The following CCDC60 variants were observed in gnomAD, a reference collection of about 807,000 sequenced individuals.
The protein encoded by CCDC60 is coiled-coil domain containing 60, also known as coiled-coil domain-containing protein 60.
A neutral mutation model predicts 63.5 loss-of-function variants in CCDC60; 54 were observed. The ratio of observed to expected loss-of-function variants is 0.85; its 90% CI spans 0.68 to 1.07. The LOEUF (loss-of-function observed/expected upper bound fraction) is 1.07, where lower values mean the gene tolerates loss of function less well. Among genes scored for constraint, CCDC60 ranks in the 50% least tolerant of loss-of-function variants. The pLI, the probability that CCDC60 is intolerant of heterozygous loss-of-function variation, is 0.00. For missense variants in CCDC60, 651 were observed against 684.3 expected, an observed-to-expected ratio of 0.95 and a Z score of 0.54; for synonymous variants, 206 against 238.8, an observed-to-expected ratio of 0.86 and a Z score of 1.27.
At chr12:119,510,817 C>A (rs918521225) in intron 7 of CCDC60, among the ~76,000 whole-genome samples, 2 of 152,114 alleles carry the variant, frequency 1.3e-5, no homozygotes, top group Admixed American at 6.6e-5. Context: ...TACGAAAGTG[C>A]CCACTCCCAG....
At chr12:119,509,955 G>C (rs1952168000) in intron 7 of CCDC60, among the ~76,000 whole-genome samples, 2 of 152,244 alleles carry the variant, frequency 1.3e-5, no homozygotes, top group African/African-American at 4.8e-5. Context: ...GACCAAGAGA[G>C]CAAATTGATT....
At chr12:119,378,373 T>C (rs1453963289) in intron 1 of CCDC60, among the ~76,000 whole-genome samples, 1 of 152,184 alleles carries the variant, frequency 6.6e-6, no homozygotes, top group Non-Finnish European at 1.5e-5. Flanking sequence ...GGCTTCTCTT[T>C]GTTAGAAAGG....
chr12:119,447,002 GAGA>G (rs1950555566), intron 2 of CCDC60, among the ~76,000 whole-genome samples: 1 of 152,270 alleles, frequency 6.6e-6, no homozygotes, highest in Non-Finnish European at 1.5e-5. Flanking sequence ...TCTCAAATGT[GAGA>G]AGAAGACGAG....
chr12:119,481,158 C>T (rs1249117216), intron 4 of CCDC60, among the ~76,000 whole-genome samples: 2 of 152,146 alleles, frequency 1.3e-5, no homozygotes, highest in East Asian at 3.8e-4. Flanking sequence ...TGAGCCCTAT[C>T]CCACTCCATC....
intron 2 of CCDC60, among the ~76,000 whole-genome samples, chr12:119,430,620 T>A (rs941217534): frequency 4.9e-5 from 7 of 144,286 alleles, no homozygotes; most frequent in African/African-American, 1.8e-4. Flanking sequence ...TGAGCCGAGA[T>A]CATGCCACTG....
intron 1 of CCDC60, among the ~76,000 whole-genome samples, chr12:119,371,531 G>A (rs1285620825): frequency 2.0e-5 from 3 of 152,200 alleles, no homozygotes; most frequent in Non-Finnish European, 4.4e-5. Context: ...GTCAGAGCTG[G>A]GTTAGAATCC....
At chr12:119,454,493 A>G (rs1457032235) in intron 2 of CCDC60, among the ~76,000 whole-genome samples, 1 of 152,166 alleles carries the variant, frequency 6.6e-6, no homozygotes, top group African/African-American at 2.4e-5. Flanking sequence ...TGCCCTGGAC[A>G]CGCTCAGTGG....
chr12:119,416,849 C>G (rs867684930), intron 1 of CCDC60, among the ~76,000 whole-genome samples: 5 of 151,926 alleles, frequency 3.3e-5, no homozygotes, highest in Admixed American at 6.6e-5. Context: ...GGCCGGTCGA[C>G]GTGGCTCATG....
At chr12:119,514,714 T>C (rs1952308456) in intron 7 of CCDC60, among the ~76,000 whole-genome samples, 1 of 152,142 alleles carries the variant, frequency 6.6e-6, no homozygotes, top group South Asian at 2.1e-4. Context: ...AAGAAAAATA[T>C]TTTTAGTAAA....
intron 2 of CCDC60, among the ~76,000 whole-genome samples, chr12:119,439,255 T>TTG (rs148889066): frequency 1.3e-5 from 2 of 151,160 alleles, no homozygotes; most frequent in Admixed American, 6.6e-5. Context: ...TTGATCAAAC[T>TTG]TGTGTGTGTG....
intron 7 of CCDC60, among the ~76,000 whole-genome samples, chr12:119,511,441 C>G (rs763732711): frequency 7.9e-5 from 12 of 152,204 alleles, no homozygotes; most frequent in Non-Finnish European, 1.5e-4. Context: ...CCAGGCTACT[C>G]CTCCTGCTGG....
At chr12:119,441,028 A>G (rs908085580) in intron 2 of CCDC60, among the ~76,000 whole-genome samples, 5 of 152,210 alleles carry the variant, frequency 3.3e-5, no homozygotes, top group African/African-American at 1.2e-4. Context: ...ATTTTACAAT[A>G]TGATCATGAT....
intron 7 of CCDC60, among the ~76,000 whole-genome samples, chr12:119,506,451 A>C (rs1367188114): frequency 6.6e-6 from 1 of 151,192 alleles, no homozygotes; most frequent in South Asian, 2.2e-4. Context: ...AAAAAAAAAA[A>C]AAAAAAAAAA....
rs1427103920 is a variant in CCDC60 at position 119,445,447 on chromosome 12, A to AAAAAAAAAAAT, written c.170+16694_170+16695insATAAAAAAAAA. On this transcript the variant is annotated intron_variant, in intron 2 of 13. Coordinates refer to ENST00000327554, the MANE Select transcript of CCDC60 (RefSeq NM_178499.5). ...AGACTCCATCTCAAAAAAAAAAAAA[A>AAAAAAAAAAAT]AAAAAAAAAGGAATGCTCTGAGAAG... is the stretch of plus-strand genomic sequence containing the variant. Among the ~76,000 whole-genome samples the AAAAAAAAAAAT allele has an allele frequency of 2.0e-5, 3 of 148,836 alleles. No homozygotes were observed. In the South Asian group the frequency reaches 6.5e-4, roughly 32 times the overall value.
chr12:119,406,185 A>C (rs1446785928), intron 1 of CCDC60, among the ~76,000 whole-genome samples: 1 of 123,762 alleles, frequency 8.1e-6, no homozygotes, highest in African/African-American at 2.9e-5. Context: ...AAATATATAT[A>C]TATATAGATA....
intron 5 of CCDC60, among the ~76,000 whole-genome samples, chr12:119,489,165 C>A (rs1481688615): frequency 6.6e-6 from 1 of 152,182 alleles, no homozygotes; most frequent in Non-Finnish European, 1.5e-5. Flanking sequence ...CAGAAATTGG[C>A]AAGCTATGGA....
intron 2 of CCDC60, among the ~76,000 whole-genome samples, chr12:119,432,196 C>T (rs531204683): frequency 2.4e-4 from 36 of 152,248 alleles, no homozygotes; most frequent in African/African-American, 8.7e-4. Context: ...CCTTGGAGCC[C>T]CAGGGACTGG....
At chr12:119,449,504 A>G (rs1406075310) in intron 2 of CCDC60, among the ~76,000 whole-genome samples, 2 of 152,202 alleles carry the variant, frequency 1.3e-5, no homozygotes, top group African/African-American at 2.4e-5. Flanking sequence ...GAAAATGCGA[A>G]TGCACCACAT....
chr12:119,531,188 A>T, intron 13 of CCDC60, 125 bp downstream of exon 13: 1 of 780,084 alleles, frequency 1.3e-6, no homozygotes, highest in Non-Finnish European at 2.0e-6. Flanking sequence ...CTCATATTCT[A>T]ATAGTAGAGG....
Sources: gnomAD v4.1 joint callset for allele counts (sites outside exome capture counted in the v4.1 genomes callset) on GRCh38, gnomAD v4.1.1 for gene constraint, MANE v1.5 for transcripts, NCBI Gene and HGNC (gene_info 2026-07-23, HGNC 2026-07-21) for gene names.